RIMS2: variants seen among roughly 807,000 people sequenced by gnomAD.
RIMS2 encodes regulating synaptic membrane exocytosis protein 2.
In RIMS2, 59 loss-of-function variants were observed where a neutral mutation model predicts 174.4. That is an observed-to-expected ratio of 0.34 (90% CI 0.27 to 0.42). RIMS2 has a LOEUF of 0.42. Ranked by LOEUF, RIMS2 falls within the 10% of genes least tolerant of loss-of-function variation. RIMS2 has a pLI of 1.00. For synonymous variants in RIMS2, 606 were observed against 572.5 expected (o/e 1.06, Z -0.84); for missense variants, 1,620 against 1,666.3 (o/e 0.97, Z 0.48).
chr8:103,703,305 G>T (rs2388781), intron 2 of RIMS2, among the ~76,000 whole-genome samples: 26,737 of 151,892 alleles, frequency 0.18, 2,556 homozygotes, highest in African/African-American at 0.23. Flanking sequence ...TGGCACAATC[G>T]TGGCTCACTG....
At chr8:103,885,443 C>T (rs1565112782) in exon 4 of RIMS2, 4 of 1,612,340 alleles carry the variant, frequency 2.5e-6, no homozygotes, top group African/African-American at 1.3e-5. Flanking sequence ...TCAACATGAA[C>T]CTCAGTTTTA....
At chr8:104,183,979 A>C (rs945914117) in intron 19 of RIMS2, among the ~76,000 whole-genome samples, 8 of 151,570 alleles carry the variant, frequency 5.3e-5, no homozygotes, top group African/African-American at 1.9e-4. Context: ...TTTCGAGGAA[A>C]AAACTTTTGT....
chr8:103,935,275 T>TC (rs1352981888), intron 12 of RIMS2, among the ~76,000 whole-genome samples: 1 of 152,214 alleles, frequency 6.6e-6, no homozygotes, highest in Non-Finnish European at 1.5e-5. Context: ...TGCATTGTCA[T>TC]TTTTCTGCCA....
intron 19 of RIMS2, chr8:104,093,499 G>A: frequency 3.8e-6 from 6 of 1,596,958 alleles, no homozygotes; most frequent in Non-Finnish European, 4.2e-6. Flanking sequence ...CCTCATAGAG[G>A]GGCAGATAAT....
At chr8:104,027,630 T>C (rs1359703058) in intron 19 of RIMS2, among the ~76,000 whole-genome samples, 1 of 152,332 alleles carries the variant, frequency 6.6e-6, no homozygotes, top group East Asian at 1.9e-4. Context: ...TGCTTTACAA[T>C]GTACTAACTG....
intron 3 of RIMS2, among the ~76,000 whole-genome samples, chr8:103,835,831 A>G (rs1051524191): frequency 1.9e-4 from 29 of 152,352 alleles, no homozygotes; most frequent in Middle Eastern, 3.4e-3. Context: ...TCACTGTATT[A>G]TCAGAGTATA....
intron 3 of RIMS2, among the ~76,000 whole-genome samples, chr8:103,833,854 A>T (rs2098841206): frequency 6.6e-6 from 1 of 151,914 alleles, no homozygotes; most frequent in Non-Finnish European, 1.5e-5. Flanking sequence ...GTCTTCATTG[A>T]TTGCTTTTTC....
chr8:103,811,282 A>G (rs916348118), intron 3 of RIMS2, among the ~76,000 whole-genome samples: 2 of 152,062 alleles, frequency 1.3e-5, no homozygotes, highest in African/African-American at 2.4e-5. Flanking sequence ...TTTTTTTTTC[A>G]GGGATCTTGG....
At chr8:103,785,780 C>T (rs1413312550) in intron 3 of RIMS2, among the ~76,000 whole-genome samples, 1 of 152,150 alleles carries the variant, frequency 6.6e-6, no homozygotes, top group Non-Finnish European at 1.5e-5. Flanking sequence ...TGATGCTGCC[C>T]TCATAAAAAG....
At chr8:103,533,724 G>C (rs973989755) in intron 1 of RIMS2, among the ~76,000 whole-genome samples, 3 of 151,400 alleles carry the variant, frequency 2.0e-5, no homozygotes, top group Non-Finnish European at 4.4e-5. Context: ...ATAATGTATG[G>C]AGTAGAAAAA....
intron 15 of RIMS2, among the ~76,000 whole-genome samples, chr8:103,965,466 T>C (rs868326105): frequency 2.0e-5 from 3 of 152,196 alleles, no homozygotes; most frequent in African/African-American, 4.8e-5. Flanking sequence ...GGGAAAGTTA[T>C]TGACTTTGGA....
intron 2 of RIMS2, among the ~76,000 whole-genome samples, chr8:103,751,841 ATAT>A (rs1357233130): frequency 6.6e-6 from 1 of 151,338 alleles, no homozygotes; most frequent in Non-Finnish European, 1.5e-5. Context: ...TAGATTCTGG[ATAT>A]TAGCCCTTTG....
At position 103,638,981 on chromosome 8, in the gene RIMS2, G is replaced by A. The variant is rs146518054; in HGVS notation, c.177-58105G>A. On this transcript the variant is annotated intron_variant, in intron 1 of 23. Coordinates refer to ENST00000504942, the Ensembl canonical transcript of RIMS2. ...ACTGATATGTCTGTCTCTAAATTTA[G>A]CACTGCTGGCAGGGTTCATTCTAGC... Among the ~76,000 whole-genome samples, 1,050 of 151,948 alleles carry A rather than the reference G, an allele frequency of 6.9e-3. 3 individuals carry two copies. The highest frequency in any genetic ancestry group is 0.012 in the Non-Finnish European group (823 of 67,820).
chr8:104,168,404 A>G (rs946500074), intron 19 of RIMS2, among the ~76,000 whole-genome samples: 2 of 151,856 alleles, frequency 1.3e-5, no homozygotes, highest in Non-Finnish European at 2.9e-5. Context: ...ATTCCTAAGT[A>G]TTTTATTTTC....
At chr8:103,511,138 G>A (rs1826250067) in intron 1 of RIMS2, among the ~76,000 whole-genome samples, 1 of 152,124 alleles carries the variant, frequency 6.6e-6, no homozygotes, top group Non-Finnish European at 1.5e-5. Flanking sequence ...TTCCTCCAGA[G>A]TTAAAATGTT....
At chr8:104,244,987 A>T in exon 20 of RIMS2, 1 of 1,613,940 alleles carries the variant, frequency 6.2e-7, no homozygotes. Context: ...GGAAATGAGG[A>T]ACTGGATGAC....
chr8:103,571,253 C>T (rs1421705837), intron 1 of RIMS2, among the ~76,000 whole-genome samples: 3 of 152,078 alleles, frequency 2.0e-5, no homozygotes, highest in Non-Finnish European at 4.4e-5. Context: ...AACATCATAC[C>T]TATGTTCAAC....
At chr8:104,100,883 AT>A (rs1193346984) in intron 19 of RIMS2, among the ~76,000 whole-genome samples, 1 of 140,908 alleles carries the variant, frequency 7.1e-6, no homozygotes, top group East Asian at 2.0e-4. Flanking sequence ...TGTAATATAT[AT>A]CATATTGTAT....
At chr8:103,834,887 C>G (rs2098861785) in intron 3 of RIMS2, among the ~76,000 whole-genome samples, 1 of 151,806 alleles carries the variant, frequency 6.6e-6, no homozygotes, top group African/African-American at 2.4e-5. Context: ...CCTCTCACCT[C>G]AACCTCCTGA....
Sources: allele counts gnomAD v4.1 joint callset (sites outside exome capture counted in the v4.1 genomes callset), GRCh38; gene constraint gnomAD v4.1.1; transcripts MANE v1.5; gene names NCBI Gene and HGNC (gene_info 2026-07-23, HGNC 2026-07-21).